C2orf92: variants seen among roughly 807,000 people sequenced by gnomAD.
The protein encoded by C2orf92 is uncharacterized protein C2orf92.
chr2:97,699,066 G>C lies in C2orf92; in HGVS notation c.444G>C (p.Leu148=), dbSNP rs1183768250. 1 of 398,382 alleles carries C rather than the reference G, an allele frequency of 2.5e-6. No homozygotes were observed. Among genetic ancestry groups the C allele is most frequent in the Non-Finnish European group, 4.4e-6 (1 of 226,050 alleles). The allele number at this position is 398,382 out of a possible 1,614,324, so 24.7% of individuals were successfully genotyped here. Residue 148 remains leucine, a synonymous_variant, in exon 6 of 8, where the codon CTG becomes CTC. Coordinates refer to ENST00000627399, the MANE Select transcript of C2orf92 (RefSeq NM_001351368.2). ...AGAAGAATTTTAAAGAATCCTGTCTGTTCGACAGGGATTTAAGAGAGCAGT... is the reference window on the plus strand; with the variant it reads ...AGAAGAATTTTAAAGAATCCTGTCTCTTCGACAGGGATTTAAGAGAGCAGT... The part of the protein sequence containing the change: ...SEEKNFKESC[L]FDRDLREQLT...
Position 97,702,817 on chromosome 2 carries a change from C to G in C2orf92, c.*16C>G. 2.5e-6 allele frequency: 1 copy of G among 398,940 alleles called. No homozygotes were observed. Among genetic ancestry groups the G allele is most frequent in the Non-Finnish European group, 4.4e-6 (1 of 226,038 alleles). 24.7% of individuals were successfully genotyped at this position (398,940 alleles called of 1,614,324 possible). A position where few individuals can be genotyped will look rare whatever the true frequency, so the allele number is the denominator to read the frequency against. On this transcript the variant is annotated 3_prime_UTR_variant, in exon 8 of 8. Transcript: ENST00000627399. ...CTGTGTCTAAGCCAGGTCGTGGGGC[C>G]GTCAAACCAGGACTTGAAACCACAA...
chr2:97,680,181 C>A (rs1675720023), intron 3 of C2orf92, among the ~76,000 whole-genome samples: 2 of 152,118 alleles, frequency 1.3e-5, no homozygotes, highest in African/African-American at 4.8e-5. Context: ...TGCCTGTAAT[C>A]CCAGCTATTT....
At chr2:97,680,277 C>T (rs578130510) in intron 3 of C2orf92, among the ~76,000 whole-genome samples, 83 of 151,942 alleles carry the variant, frequency 5.5e-4, no homozygotes, top group South Asian at 2.9e-3. Flanking sequence ...TCAGCCTGGG[C>T]GACAGAGTGA....
upstream of C2orf92, among the ~76,000 whole-genome samples, chr2:97,667,321 G>A (rs1484776950): frequency 6.7e-6 from 1 of 149,578 alleles, no homozygotes; most frequent in Non-Finnish European, 1.5e-5. Flanking sequence ...GGAGTGCAGT[G>A]GCGCAATCTG....
chr2:97,664,146 C>T, upstream of C2orf92: 1 of 240,406 alleles, frequency 4.2e-6, no homozygotes, highest in Non-Finnish European at 8.0e-6. Flanking sequence ...CGGAGGCTGG[C>T]CAGCCAATTG....
At chr2:97,671,566 G>T (rs1257670866) in intron 1 of C2orf92, 1 of 398,542 alleles carries the variant, frequency 2.5e-6, no homozygotes, top group Non-Finnish European at 4.4e-6. Flanking sequence ...GGTCCTCATT[G>T]TCTCCCAGGT....
intron 5 of C2orf92, among the ~76,000 whole-genome samples, chr2:97,691,306 G>T (rs1323219129): frequency 1.3e-5 from 2 of 152,206 alleles, no homozygotes; most frequent in African/African-American, 4.8e-5. Flanking sequence ...CAGACACCTG[G>T]TGCCTCCTCC....
intron 5 of C2orf92, among the ~76,000 whole-genome samples, chr2:97,693,034 G>T (rs1366482301): frequency 2.0e-5 from 3 of 152,146 alleles, no homozygotes; most frequent in Non-Finnish European, 4.4e-5. Context: ...CTGTTTCTGT[G>T]AGTTGTGTTA....
At chr2:97,668,361 A>G (rs1240601845), upstream of C2orf92, 1 of 152,216 alleles carries the variant, frequency 6.6e-6, no homozygotes, top group African/African-American at 2.4e-5. Context: ...TACAGAGGAA[A>G]TCAAGTTAAA....
At chr2:97,690,179 G>A (rs1676081515) in intron 4 of C2orf92, 77 bp from the exon 5 acceptor site, 1 of 390,318 alleles carries the variant, frequency 2.6e-6, no homozygotes, top group South Asian at 1.3e-4. Context: ...TACAAAATAT[G>A]GGCCCAAGGT....
rs1034959607 is a variant in C2orf92 at position 97,671,124 on chromosome 2, T to G, written c.46+1290T>G. 17 of 162,848 alleles carry G rather than the reference T, an allele frequency of 1.0e-4. No homozygotes were observed. In the Admixed American group the frequency reaches 1.1e-3, roughly 10 times the overall value. 10.1% of individuals were successfully genotyped at this position (162,848 alleles called of 1,614,324 possible). On this transcript the variant is annotated intron_variant, in intron 1 of 7. Transcript: ENST00000627399. The stretch of plus-strand genomic sequence containing the variant: ...GTGCCACCACGCCTGGCTAATTTAC[T>G]AAACTAATAAATTACTAAATTAGTA...
chr2:97,686,544 C>T (rs1305402574), intron 3 of C2orf92, among the ~76,000 whole-genome samples: 3 of 152,126 alleles, frequency 2.0e-5, no homozygotes, highest in Non-Finnish European at 4.4e-5. Context: ...CTCAGCCTCC[C>T]GCGTAGCTGG....
At chr2:97,696,672 G>T (rs190594569) in intron 5 of C2orf92, among the ~76,000 whole-genome samples, 85 of 152,298 alleles carry the variant, frequency 5.6e-4, no homozygotes, top group Non-Finnish European at 1.1e-3. Flanking sequence ...GGAGGTGGAG[G>T]TTGCGGTGAG....
At chr2:97,676,900 C>G (rs898694867) in intron 3 of C2orf92, among the ~76,000 whole-genome samples, 2 of 152,198 alleles carry the variant, frequency 1.3e-5, no homozygotes, top group African/African-American at 4.8e-5. Flanking sequence ...TCATCTACCC[C>G]AAGCCTCTAA....
intron 3 of C2orf92, among the ~76,000 whole-genome samples, chr2:97,682,918 T>A (rs1309719881): frequency 6.6e-6 from 1 of 152,150 alleles, no homozygotes; most frequent in African/African-American, 2.4e-5. Flanking sequence ...AAGGCAAGGA[T>A]GCCTGCTCTC....
chr2:97,669,662 C>G (rs1482460420), upstream of C2orf92: 1 of 394,542 alleles, frequency 2.5e-6, no homozygotes, highest in Non-Finnish European at 4.5e-6. Context: ...GAGCAGGCTC[C>G]ACCTCACTTC....
rs549080140 is a variant in C2orf92, at chr2:97,687,851, G to A, written c.233-1044G>A. The stretch of plus-strand genomic sequence containing the variant: ...GCCTGGCAGGTGACCAGGAGGGGAT[G>A]CATGAGCAGATGCAGGTAGCACTTG... On this transcript the variant is annotated intron_variant, in intron 3 of 7. Coordinates refer to ENST00000627399, the MANE Select transcript of C2orf92 (RefSeq NM_001351368.2). Among the ~76,000 whole-genome samples the A allele has an allele frequency of 2.4e-3, 364 of 150,604 alleles. 6 individuals are homozygous for A. The highest frequency in any genetic ancestry group is 8.6e-3 in the African/African-American group (343 of 40,072).
intron 5 of C2orf92, among the ~76,000 whole-genome samples, chr2:97,691,888 T>C (rs1676151561): frequency 1.3e-5 from 2 of 152,180 alleles, no homozygotes; most frequent in African/African-American, 4.8e-5. Flanking sequence ...AACTCCGTGC[T>C]GGGATTACAG....
At chr2:97,699,985 A>C (rs183301077) in intron 6 of C2orf92, among the ~76,000 whole-genome samples, 1 of 152,240 alleles carries the variant, frequency 6.6e-6, no homozygotes, top group South Asian at 2.1e-4. Flanking sequence ...TCTGCTGTCT[A>C]CATAACCGGC....
Sources: allele counts gnomAD v4.1 joint callset (sites outside exome capture counted in the v4.1 genomes callset), GRCh38; gene constraint gnomAD v4.1.1; transcripts MANE v1.5; gene names NCBI Gene and HGNC (gene_info 2026-07-23, HGNC 2026-07-21).